The following PTPRR variants were observed in gnomAD, a reference collection of about 807,000 sequenced individuals.
The protein encoded by PTPRR is receptor-type tyrosine-protein phosphatase R.
PTPRR carries 38 observed loss-of-function variants against 77.2 expected under a neutral mutation model. The ratio of observed to expected loss-of-function variants is 0.49; its 90% confidence interval spans 0.38 to 0.65. The LOEUF is 0.65. PTPRR is among the 30% of genes least tolerant of loss of function. The pLI, the probability that PTPRR is intolerant of heterozygous loss-of-function variation, is 0.00. For synonymous variants in PTPRR, 299 were observed against 283.1 expected (o/e 1.06, Z -0.57); for missense variants, 744 against 799.2 (o/e 0.93, Z 0.83).
chr12:70,781,210 C>T (rs1387293869), intron 2 of PTPRR, among the ~76,000 whole-genome samples: 1 of 151,976 alleles, frequency 6.6e-6, no homozygotes, highest in Non-Finnish European at 1.5e-5. Flanking sequence ...AAAAGTCAGA[C>T]AAAAAAATGG....
At chr12:70,763,807 C>CT (rs1242038062) in intron 3 of PTPRR, among the ~76,000 whole-genome samples, 4 of 152,132 alleles carry the variant, frequency 2.6e-5, no homozygotes, top group African/African-American at 9.7e-5. Context: ...AGGTGACTAG[C>CT]TTTTTACAGA....
At chr12:70,672,947 G>T in intron 10 of PTPRR, 1 of 1,458,714 alleles carries the variant, frequency 6.9e-7, no homozygotes, top group Non-Finnish European at 9.2e-7. Context: ...GCCAGGTGTG[G>T]GCAGGTGCCA....
At chr12:70,689,122 ACTATTGTTTAATAAT>A (rs1334352710) in intron 8 of PTPRR, among the ~76,000 whole-genome samples, 1 of 152,100 alleles carries the variant, frequency 6.6e-6, no homozygotes, top group Non-Finnish European at 1.5e-5. Flanking sequence ...GACCATGGTG[ACTATTGTTTAATAAT>A]AATATTATAT....
intron 2 of PTPRR, among the ~76,000 whole-genome samples, chr12:70,797,946 C>G (rs758406801): frequency 1.3e-5 from 2 of 152,138 alleles, no homozygotes; most frequent in Non-Finnish European, 2.9e-5. Context: ...TTTACACATT[C>G]TATGTGCTGA....
chr12:70,738,542 A>G (rs959833570), intron 6 of PTPRR, among the ~76,000 whole-genome samples: 1 of 152,228 alleles, frequency 6.6e-6, no homozygotes, highest in African/African-American at 2.4e-5. Context: ...GAACATATCC[A>G]ATTTGCCTGT....
In PTPRR at chr12:70,758,295, G is replaced by A. The variant is rs71454292; in HGVS notation, c.627+3176C>T. ...ATTGTGAGCTAGTAGCTCTGTGAGA[G>A]GCCATTAAGCTAAGTACCTCACCTT... On this transcript the variant is annotated intron_variant, in intron 4 of 13. Transcript: ENST00000283228. 7.0e-3 allele frequency among the ~76,000 whole-genome samples: 1,060 copies of A among 152,188 alleles called. 2 individuals are homozygous for A. The highest frequency in any genetic ancestry group is 0.012 in the Non-Finnish European group (805 of 68,020).
chr12:70,903,481 A>G (rs984963050), intron 1 of PTPRR, among the ~76,000 whole-genome samples: 1 of 151,910 alleles, frequency 6.6e-6, no homozygotes, highest in Non-Finnish European at 1.5e-5. Flanking sequence ...ATAAAGGTGA[A>G]CAATAAAGGA....
chr12:70,761,619 T>C lies in PTPRR; in HGVS notation c.479A>G (p.Lys160Arg), dbSNP rs1473610236. The C allele has an allele frequency of 1.3e-6, 2 of 1,562,442 alleles. No individual in the cohort carries two copies. The highest frequency in any genetic ancestry group is 1.7e-6 in the Non-Finnish European group (2 of 1,154,298). The change falls in exon 4 of 14, where the codon AAG becomes AGG. Residue 160 changes from lysine (K) to arginine (R), a missense_variant. Transcript: ENST00000283228. ...AGACACAAACAGTTCAATACTGTTC[T>C]TCTTTCCCTAATAAAAGCAGAATAT... is the stretch of plus-strand genomic sequence containing the variant. Reference protein sequence around the residue: ...QVHINRLIGKKNSIELFVSPI... With the variant: ...QVHINRLIGKRNSIELFVSPI...
At chr12:70,887,459 A>G (rs1462656168) in intron 2 of PTPRR, among the ~76,000 whole-genome samples, 4 of 151,760 alleles carry the variant, frequency 2.6e-5, no homozygotes, top group Admixed American at 6.6e-5. Context: ...CCAAAAAAAA[A>G]TTAAGTAATA....
intron 2 of PTPRR, among the ~76,000 whole-genome samples, chr12:70,865,542 G>GA (rs1418757244): frequency 4.6e-5 from 7 of 152,030 alleles, no homozygotes; most frequent in Non-Finnish European, 1.0e-4. Context: ...GAGTCAGGCA[G>GA]AAAAAAGAAA....
At chr12:70,891,307 C>A (rs894198069) in intron 2 of PTPRR, among the ~76,000 whole-genome samples, 1 of 152,090 alleles carries the variant, frequency 6.6e-6, no homozygotes, top group Non-Finnish European at 1.5e-5. Flanking sequence ...TTCACAGTGA[C>A]TTTAAGAGTT....
intron 2 of PTPRR, among the ~76,000 whole-genome samples, chr12:70,765,867 G>A (rs1049025813): frequency 1.3e-5 from 2 of 152,210 alleles, no homozygotes; most frequent in East Asian, 1.9e-4. Flanking sequence ...AACATCTGGT[G>A]TTCTGCAGCC....
rs575242010 is a variant in PTPRR, at chr12:70,792,581, T to C, written c.358-27803A>G. ...TAAAAATATGGACAATAAGATGTAA[T>C]TATTTTAAAGATAGTTTAAAACCTT... On this transcript the variant is annotated intron_variant, in intron 2 of 13. Coordinates refer to ENST00000283228, the MANE Select transcript of PTPRR (RefSeq NM_002849.4). Among the ~76,000 whole-genome samples the C allele has an allele frequency of 9.6e-4, 147 of 152,348 alleles. 1 individual carries two copies. Among genetic ancestry groups the C allele is most frequent in the African/African-American group, 3.2e-3 (133 of 41,592 alleles).
intron 5 of PTPRR, among the ~76,000 whole-genome samples, chr12:70,750,243 C>A (rs534388935): frequency 1.3e-5 from 2 of 152,090 alleles, no homozygotes; most frequent in Non-Finnish European, 2.9e-5. Context: ...GCACATACAA[C>A]CTTCCATTAC....
At chr12:70,876,213 T>C (rs1191850707) in intron 2 of PTPRR, among the ~76,000 whole-genome samples, 2 of 152,078 alleles carry the variant, frequency 1.3e-5, no homozygotes, top group African/African-American at 4.8e-5. Context: ...GAAAAGGACA[T>C]ATATATGTAA....
chr12:70,877,100 C>A (rs1893064437), intron 2 of PTPRR, among the ~76,000 whole-genome samples: 1 of 152,096 alleles, frequency 6.6e-6, no homozygotes, highest in Non-Finnish European at 1.5e-5. Flanking sequence ...AACTGACGTG[C>A]CAGTTGGCTC....
intron 2 of PTPRR, among the ~76,000 whole-genome samples, chr12:70,844,070 C>T (rs1158980712): frequency 2.6e-5 from 4 of 151,880 alleles, no homozygotes; most frequent in Admixed American, 6.6e-5. Flanking sequence ...CCCACCTCGG[C>T]CTCCCAAAGT....
chr12:70,827,700 C>T (rs1285709317), intron 2 of PTPRR, among the ~76,000 whole-genome samples: 1 of 145,776 alleles, frequency 6.9e-6, no homozygotes, highest in African/African-American at 2.6e-5. Flanking sequence ...TGCCTGCCAC[C>T]ACACCTGGCT....
At chr12:70,726,581 A>ATTT (rs148966922) in intron 6 of PTPRR, among the ~76,000 whole-genome samples, 60 of 139,716 alleles carry the variant, frequency 4.3e-4, no homozygotes, top group African/African-American at 1.5e-3. Flanking sequence ...TCTGCATTTA[A>ATTT]TTTTTTTTTT....
Sources: gnomAD v4.1 joint callset for allele counts (sites outside exome capture counted in the v4.1 genomes callset) on GRCh38, gnomAD v4.1.1 for gene constraint, MANE v1.5 for transcripts, NCBI Gene and HGNC (gene_info 2026-07-23, HGNC 2026-07-21) for gene names.